CNGA1: variants seen among roughly 807,000 people sequenced by gnomAD.
CNGA1 encodes cyclic nucleotide gated channel subunit alpha 1, also known as cyclic nucleotide-gated channel alpha-1.
In CNGA1, 53 loss-of-function variants were observed where a neutral mutation model predicts 69.7. That is an observed-to-expected ratio of 0.76 (90% confidence interval 0.61 to 0.96). The LOEUF (loss-of-function observed/expected upper bound fraction) is 0.96, where lower values mean the gene tolerates loss of function less well. Ranked by LOEUF, CNGA1 falls within the 40% of genes least tolerant of loss-of-function variation. The pLI, the probability that CNGA1 is intolerant of heterozygous loss-of-function variation, is 0.00. For synonymous variants in CNGA1, 249 were observed against 283.5 expected (o/e 0.88, Z 1.22); for missense variants, 739 against 811.2 (o/e 0.91, Z 1.08).
At chr4:47,998,126 A>G (rs1006068576) in intron 2 of CNGA1, among the ~76,000 whole-genome samples, 1 of 152,220 alleles carries the variant, frequency 6.6e-6, no homozygotes, top group Admixed American at 6.5e-5. Context: ...CCCTGTCCAA[A>G]GACCATTTTT....
chr4:47,952,869 CATGG>C, intron 3 of CNGA1, 166 bp from the exon 4 acceptor site: 3 of 406,490 alleles, frequency 7.4e-6, no homozygotes, highest in Non-Finnish European at 1.3e-5. Flanking sequence ...TGTAGCTCCA[CATGG>C]CTAGGGGGAG....
intron 3 of CNGA1, among the ~76,000 whole-genome samples, chr4:47,976,149 GTATATA>G (rs58349297): frequency 6.6e-4 from 16 of 24,424 alleles, no homozygotes; most frequent in East Asian, 4.4e-3. Flanking sequence ...ACTTTCATAT[GTATATA>G]TATATATATA....
rs368694364 is a variant in CNGA1, at chr4:47,951,480, A to G, written c.108-11T>C. ...TCCTCAGAAAAGGAGCTACAGTCCA[A>G]TAGGAGGCAGAGAGAGAAGAGTTAA... On this transcript the variant is annotated splice_polypyrimidine_tract_variant and intron_variant, in intron 4 of 10. Coordinates refer to ENST00000514170, the MANE Select transcript of CNGA1 (RefSeq NM_001379270.1). 75 of 1,552,702 alleles carry G rather than the reference A, an allele frequency of 4.8e-5. No individual in the cohort carries two copies. The African/African-American group carries it at 8.8e-4, about 18-fold the overall frequency.
chr4:47,951,275 T>C, intron 5 of CNGA1, 78 bp downstream of exon 5: 1 of 889,000 alleles, frequency 1.1e-6, no homozygotes, highest in Non-Finnish European at 1.9e-6. Context: ...CATGATCTGA[T>C]TGCAAAAATT....
chr4:47,985,200 G>C (rs1047069373), intron 2 of CNGA1, among the ~76,000 whole-genome samples: 1 of 152,172 alleles, frequency 6.6e-6, no homozygotes, highest in Non-Finnish European at 1.5e-5. Context: ...GTAAATACTT[G>C]AGAAGAGGCT....
Position 47,937,348 on chromosome 4 carries a change from G to T in CNGA1, c.1134C>A (p.Phe378Leu), listed in dbSNP as rs760437638. 1 of 1,614,058 alleles carries T rather than the reference G, an allele frequency of 6.2e-7. No homozygotes were observed. Among genetic ancestry groups the T allele is most frequent in the South Asian group, 1.1e-5 (1 of 91,078 alleles). Residue 378 changes from phenylalanine to leucine, a missense_variant, in exon 11 of 11, where the codon TTC becomes TTA. By Grantham distance (22) the Phe-to-Leu change is conservative. Coordinates refer to ENST00000514170, the MANE Select transcript of CNGA1 (RefSeq NM_001379270.1). The stretch of plus-strand genomic sequence containing the variant: ...TAGCAAAAATTAACACTCCAATTAG[G>T]AAATCAACCACCACAAAGACATACT... The part of the protein sequence containing the change: ...DSEYVFVVVD[F>L]LIGVLIFATI...
chr4:47,977,363 C>T (rs577752505), intron 3 of CNGA1, among the ~76,000 whole-genome samples: 1 of 152,246 alleles, frequency 6.6e-6, no homozygotes, highest in East Asian at 1.9e-4. Context: ...AGGAGGGAGG[C>T]CTCAGAAGAA....
At chr4:47,942,235 C>T (rs1417704875) in intron 8 of CNGA1, 87 bp from the exon 9 acceptor site, 2 of 847,906 alleles carry the variant, frequency 2.4e-6, no homozygotes, top group Non-Finnish European at 4.1e-6. Context: ...TGCCCATCAA[C>T]CACAATTAAT....
Position 47,956,657 on chromosome 4 carries a change from T to C in CNGA1, c.-14-3954A>G, listed in dbSNP as rs1740107494. On this transcript the variant is annotated intron_variant, in intron 3 of 10. Coordinates refer to ENST00000514170, the MANE Select transcript of CNGA1 (RefSeq NM_001379270.1). ...CTGATTTTAGATACATGAAGTGCTG[T>C]AGAACATTGGAAATGGTTGCCAAAA... Among the ~76,000 whole-genome samples the C allele has an allele frequency of 2.0e-5, 3 of 151,786 alleles. 1 individual carries two copies. The highest frequency in any genetic ancestry group is 2.0e-4 in the Admixed American group (3 of 15,234).
chr4:47,974,105 TA>T (rs746423882), intron 3 of CNGA1, among the ~76,000 whole-genome samples: 4 of 148,342 alleles, frequency 2.7e-5, no homozygotes, highest in Admixed American at 2.0e-4. Flanking sequence ...GATAGATAGA[TA>T]GATAGATAGA....
intron 3 of CNGA1, among the ~76,000 whole-genome samples, chr4:47,979,952 C>G (rs1365797411): frequency 6.6e-6 from 1 of 151,974 alleles, no homozygotes; most frequent in East Asian, 1.9e-4. Context: ...TTACACTTTC[C>G]TCATTAATTT....
At chr4:47,952,510 T>C (rs1739806493) in intron 4 of CNGA1, 73 bp downstream of exon 4, 1 of 1,518,558 alleles carries the variant, frequency 6.6e-7, no homozygotes, top group Non-Finnish European at 9.1e-7. Flanking sequence ...TAAAGCTAAA[T>C]TGAAATTAAA....
At chr4:47,964,664 A>C (rs1740628296) in intron 3 of CNGA1, among the ~76,000 whole-genome samples, 2 of 152,070 alleles carry the variant, frequency 1.3e-5, no homozygotes, top group Non-Finnish European at 2.9e-5. Flanking sequence ...TAATCAATAG[A>C]CCATCTTTTC....
In CNGA1 at chr4:47,976,199, GTATATATA is replaced by G. The variant is rs367544700; in HGVS notation, c.-15+5186_-15+5193del. On this transcript the variant is annotated intron_variant, in intron 3 of 10. Transcript: ENST00000514170. ...CATACATATATATATACATATATATGTATATATATATATACACATACATATATATATAC... is the reference window on the plus strand; with the variant it reads ...CATACATATATATATACATATATATGTATATACACATACATATATATATAC... Among the ~76,000 whole-genome samples, 9 of 15,114 alleles carry G rather than the reference GTATATATA, an allele frequency of 6.0e-4. No homozygotes were observed. In the Admixed American group the frequency reaches 6.4e-3, roughly 11 times the overall value. 9.9% of individuals were successfully genotyped at this position (15,114 alleles called of 152,430 possible). A position where few individuals can be genotyped will look rare whatever the true frequency, so the allele number is the denominator to read the frequency against.
intron 3 of CNGA1, among the ~76,000 whole-genome samples, chr4:47,973,605 T>C (rs1183695180): frequency 6.6e-6 from 1 of 152,128 alleles, no homozygotes. Context: ...AAGTAAAATA[T>C]ATACCTTTGT....
At chr4:48,013,838 C>T (rs1038928296) in intron 1 of CNGA1, among the ~76,000 whole-genome samples, 2 of 152,058 alleles carry the variant, frequency 1.3e-5, no homozygotes, top group Non-Finnish European at 2.9e-5. Flanking sequence ...GTTTCTACTC[C>T]CCAGCTACCA....
At chr4:47,984,334 G>A (rs770110372) in intron 2 of CNGA1, among the ~76,000 whole-genome samples, 2 of 151,996 alleles carry the variant, frequency 1.3e-5, no homozygotes, top group African/African-American at 4.8e-5. Flanking sequence ...CTTGTCCCTT[G>A]AGGCCCGGTG....
At chr4:47,994,715 C>CT (rs1742409338) in intron 2 of CNGA1, among the ~76,000 whole-genome samples, 1 of 152,024 alleles carries the variant, frequency 6.6e-6, no homozygotes, top group East Asian at 1.9e-4. Flanking sequence ...CATTGTACTA[C>CT]TTGTTGCCCA....
At chr4:47,990,668 C>A (rs554886824) in intron 2 of CNGA1, among the ~76,000 whole-genome samples, 2 of 152,104 alleles carry the variant, frequency 1.3e-5, no homozygotes, top group South Asian at 2.1e-4. Flanking sequence ...GCTGATTTTG[C>A]GGCTCGGCGT....
Sources: gnomAD v4.1 joint callset for allele counts (sites outside exome capture counted in the v4.1 genomes callset) on GRCh38, gnomAD v4.1.1 for gene constraint, MANE v1.5 for transcripts, NCBI Gene and HGNC (gene_info 2026-07-23, HGNC 2026-07-21) for gene names.